The following GRB10 variants were observed in gnomAD, a reference collection of about 807,000 sequenced individuals.
GRB10 encodes the protein growth factor receptor bound protein 10.
In GRB10, 20 loss-of-function variants were observed where a neutral mutation model predicts 80.9. The observed-to-expected ratio is 0.25, with a 90% confidence interval of 0.17 to 0.36. The LOEUF (loss-of-function observed/expected upper bound fraction) is 0.36, where lower values mean the gene tolerates loss of function less well. Ranked by LOEUF, GRB10 falls within the 10% of genes least tolerant of loss-of-function variation. The probability of loss-of-function intolerance (pLI) is 1.00; values close to 1 mark genes in which losing one functional copy is unlikely to be tolerated. For synonymous variants in GRB10, 291 were observed against 291.5 expected, an observed-to-expected ratio of 1.00 and a Z score of 0.02; for missense variants, 548 against 747.7, an observed-to-expected ratio of 0.73 and a Z score of 3.12.
At chr7:50,686,760 G>A (rs1006515125) in intron 5 of GRB10, among the ~76,000 whole-genome samples, 1 of 152,138 alleles carries the variant, frequency 6.6e-6, no homozygotes, top group Non-Finnish European at 1.5e-5. Flanking sequence ...TACCAAACCA[G>A]CCAAGCAGGC....
chr7:50,766,525 A>G (rs2076355453), intron 2 of GRB10, among the ~76,000 whole-genome samples: 1 of 152,248 alleles, frequency 6.6e-6, no homozygotes, highest in Admixed American at 6.5e-5. Context: ...GATACACCTC[A>G]AAAGTAAAGA....
intron 4 of GRB10, among the ~76,000 whole-genome samples, chr7:50,706,469 C>T (rs1349855591): frequency 3.3e-5 from 5 of 152,238 alleles, no homozygotes. Context: ...TAGATACACA[C>T]AGTCAAACTC....
intron 5 of GRB10, among the ~76,000 whole-genome samples, chr7:50,703,466 G>A (rs2715102): frequency 0.91 from 138,196 of 152,234 alleles, 62,858 homozygotes; most frequent in African/African-American, 0.96. Flanking sequence ...AAGAGTACAT[G>A]CACCCAAAAC....
intron 7 of GRB10, among the ~76,000 whole-genome samples, chr7:50,650,751 C>T (rs144468812): frequency 9.3e-4 from 141 of 152,178 alleles, no homozygotes; most frequent in African/African-American, 3.2e-3. Flanking sequence ...CCCAAGGCTA[C>T]GACACCAGGT....
intron 5 of GRB10, among the ~76,000 whole-genome samples, chr7:50,686,989 T>C (rs527374036): frequency 6.6e-6 from 1 of 152,354 alleles, no homozygotes; most frequent in East Asian, 1.9e-4. Flanking sequence ...GGAGCTGCCC[T>C]TGCCTCATGA....
intron 3 of GRB10, among the ~76,000 whole-genome samples, chr7:50,744,113 A>G (rs2072409024): frequency 6.6e-6 from 1 of 152,034 alleles, no homozygotes; most frequent in Non-Finnish European, 1.5e-5. Flanking sequence ...AGAGGAACCC[A>G]TGTGCACAAT....
intron 4 of GRB10, among the ~76,000 whole-genome samples, chr7:50,715,048 G>GT (rs60049087): frequency 0.15 from 23,409 of 151,872 alleles, 6,066 homozygotes; most frequent in African/African-American, 0.54. Context: ...TTGATATGAT[G>GT]AATCCTTGGT....
At chr7:50,650,309 G>C (rs1298871377) in intron 7 of GRB10, among the ~76,000 whole-genome samples, 1 of 152,222 alleles carries the variant, frequency 6.6e-6, no homozygotes, top group African/African-American at 2.4e-5. Context: ...TAGTAGAACA[G>C]AGCGCCAACC....
intron 2 of GRB10, among the ~76,000 whole-genome samples, chr7:50,759,830 C>A (rs2075556901): frequency 6.6e-6 from 1 of 152,186 alleles, no homozygotes; most frequent in South Asian, 2.1e-4. Context: ...ACTAACCTGT[C>A]CACCAGCAGA....
intron 2 of GRB10, among the ~76,000 whole-genome samples, chr7:50,770,924 T>C (rs1334408094): frequency 2.6e-5 from 4 of 152,174 alleles, no homozygotes; most frequent in Admixed American, 2.6e-4. Flanking sequence ...CACAGCTCTT[T>C]GGGGCCTTCA....
chr7:50,686,490 C>A (rs571237304), intron 5 of GRB10, among the ~76,000 whole-genome samples: 23 of 152,246 alleles, frequency 1.5e-4, no homozygotes, highest in African/African-American at 5.5e-4. Context: ...TTTTGAGGTG[C>A]CTTCTGAACA....
intron 4 of GRB10, chr7:50,726,081 A>G (rs1729673929): frequency 6.6e-6 from 1 of 152,272 alleles, no homozygotes; most frequent in African/African-American, 2.4e-5. Flanking sequence ...AATATTTGCC[A>G]CAGTACCAGA....
chr7:50,603,507 G>A (rs991792227), intron 17 of GRB10, among the ~76,000 whole-genome samples: 10 of 152,160 alleles, frequency 6.6e-5, no homozygotes, highest in African/African-American at 2.2e-4. Flanking sequence ...AACCAAACAC[G>A]AGTGAACCTA....
chr7:50,678,331 T>C (rs56212755), intron 5 of GRB10, among the ~76,000 whole-genome samples: 3,386 of 152,374 alleles, frequency 0.022, 130 homozygotes, highest in African/African-American at 0.077. Context: ...ATCATGAATA[T>C]TTTCAACAAA....
At chr7:50,691,532 T>C (rs1423562524) in intron 5 of GRB10, among the ~76,000 whole-genome samples, 1 of 152,210 alleles carries the variant, frequency 6.6e-6, no homozygotes, top group African/African-American at 2.4e-5. Context: ...CTACTATAGC[T>C]GGAGAAGTCA....
chr7:50,600,470 C>T (rs141575733), intron 17 of GRB10, among the ~76,000 whole-genome samples: 1 of 152,086 alleles, frequency 6.6e-6, no homozygotes, highest in Non-Finnish European at 1.5e-5. Flanking sequence ...GATAAATAAA[C>T]CCAAGTGCAT....
chr7:50,754,177 C>A (rs62448805), intron 3 of GRB10, among the ~76,000 whole-genome samples: 1 of 152,172 alleles, frequency 6.6e-6, no homozygotes, highest in Admixed American at 6.5e-5. Context: ...CACTGCACAT[C>A]GTCTACAATG....
intron 3 of GRB10, among the ~76,000 whole-genome samples, chr7:50,747,268 G>T (rs1237852861): frequency 3.9e-5 from 6 of 152,154 alleles, no homozygotes; most frequent in African/African-American, 9.7e-5. Flanking sequence ...AGCTGAACCT[G>T]GCCTGGGGCT....
chr7:50,727,316 G>A (rs748071189), intron 4 of GRB10, among the ~76,000 whole-genome samples: 12 of 152,276 alleles, frequency 7.9e-5, no homozygotes, highest in Non-Finnish European at 1.2e-4. Flanking sequence ...CCAGGTCATG[G>A]TGGCCCATGG....
Sources: gnomAD v4.1 joint callset for allele counts (sites outside exome capture counted in the v4.1 genomes callset) on GRCh38, gnomAD v4.1.1 for gene constraint, MANE v1.5 for transcripts, NCBI Gene and HGNC (gene_info 2026-07-23, HGNC 2026-07-21) for gene names.